Variants in ATF6 observed in about 807,000 individuals in gnomAD.
The protein encoded by ATF6 is cyclic AMP-dependent transcription factor ATF-6 alpha.
In ATF6, 53 loss-of-function variants were observed where a neutral mutation model predicts 83.6. That is an observed-to-expected ratio of 0.63 (90% CI 0.51 to 0.80). ATF6 has a LOEUF of 0.80. ATF6 is among the 30% of genes least tolerant of loss of function. The probability of loss-of-function intolerance (pLI) is 0.00; values close to 1 mark genes in which losing one functional copy is unlikely to be tolerated. For missense variants in ATF6, 744 were observed against 797.9 expected, an observed-to-expected ratio of 0.93 and a Z score of 0.81; for synonymous variants, 288 against 285.8, an observed-to-expected ratio of 1.01 and a Z score of -0.08.
At chr1:161,926,087 A>G (rs1319393017) in intron 15 of ATF6, among the ~76,000 whole-genome samples, 1 of 152,156 alleles carries the variant, frequency 6.6e-6, no homozygotes, top group Non-Finnish European at 1.5e-5. Flanking sequence ...TTGAGCAGGG[A>G]AGAGGCACAA....
chr1:161,848,740 T>C (rs1265247614), intron 10 of ATF6, among the ~76,000 whole-genome samples: 3 of 152,126 alleles, frequency 2.0e-5, no homozygotes, highest in African/African-American at 4.8e-5. Context: ...CCTAGCACTG[T>C]CCTTTACTTT....
intron 7 of ATF6, 49 bp downstream of exon 7, chr1:161,802,321 A>T (rs752047980): frequency 6.6e-7 from 1 of 1,515,102 alleles, no homozygotes; most frequent in East Asian, 2.3e-5. Flanking sequence ...TTAAAAACCA[A>T]CAAAAAAACA....
At position 161,802,067 on chromosome 1, in the gene ATF6, T is replaced by A; in HGVS notation, c.704T>A (p.Leu235Gln). 6.2e-7 allele frequency: 1 copy of A among 1,614,108 alleles called. No homozygotes were observed. The highest frequency in any genetic ancestry group is 8.5e-7 in the Non-Finnish European group (1 of 1,179,984). Residue 235 changes from leucine (L) to glutamine (Q), a missense_variant, in exon 7 of 16, where the codon CTG becomes CAG. By Grantham distance (113) the Leu-to-Gln change is moderately radical. Coordinates refer to ENST00000367942, the MANE Select transcript of ATF6 (RefSeq NM_007348.4). ...PAPTKGQTVL[L>Q]SQPTVVQLQA... The stretch of plus-strand genomic sequence containing the variant: ...TCTAACGCAGGCCAGACGGTTTTGC[T>A]GTCTCAGCCTACTGTGGTACAACTT...
chr1:161,808,996 GGT>G (rs1236211720), intron 7 of ATF6, among the ~76,000 whole-genome samples: 2 of 151,994 alleles, frequency 1.3e-5, no homozygotes, highest in East Asian at 1.9e-4. Context: ...TGAATAACTT[GGT>G]ACTTATTTCA....
At chr1:161,923,877 G>A (rs746299962) in intron 15 of ATF6, among the ~76,000 whole-genome samples, 1 of 152,072 alleles carries the variant, frequency 6.6e-6, no homozygotes, top group Non-Finnish European at 1.5e-5. Flanking sequence ...TCTGCCTTAT[G>A]GCAAAAATCT....
intron 14 of ATF6, among the ~76,000 whole-genome samples, chr1:161,877,192 G>A (rs753192564): frequency 1.3e-5 from 2 of 152,032 alleles, no homozygotes; most frequent in Non-Finnish European, 2.9e-5. Flanking sequence ...CAGGAAGTAT[G>A]TACTGAGTAT....
intron 14 of ATF6, among the ~76,000 whole-genome samples, chr1:161,888,766 A>C (rs746983546): frequency 6.6e-6 from 1 of 152,032 alleles, no homozygotes; most frequent in Non-Finnish European, 1.5e-5. Flanking sequence ...TCCATCCTTC[A>C]TATCATCCAT....
At position 161,942,586 on chromosome 1, in the gene ATF6, C is replaced by G. The variant is rs1245901260; in HGVS notation, c.1805-15860C>G. 2.0e-5 allele frequency among the ~76,000 whole-genome samples: 3 copies of G among 152,224 alleles called. No individual in the cohort carries two copies. In the East Asian group the frequency reaches 5.8e-4, roughly 29 times the overall value. On this transcript the variant is annotated intron_variant, in intron 15 of 15. Transcript: ENST00000367942. ...CTGACTCCACACAATAACAATTACTCCCATTTCATATCACTTGACATCCTG... is the reference window on the plus strand; with the variant it reads ...CTGACTCCACACAATAACAATTACTGCCATTTCATATCACTTGACATCCTG...
At chr1:161,846,867 T>C (rs1485367134) in intron 10 of ATF6, among the ~76,000 whole-genome samples, 1 of 151,844 alleles carries the variant, frequency 6.6e-6, no homozygotes, top group African/African-American at 2.4e-5. Flanking sequence ...ATAATGTCTT[T>C]AATAATTATT....
intron 14 of ATF6, among the ~76,000 whole-genome samples, chr1:161,864,659 G>A (rs1322818370): frequency 6.6e-6 from 1 of 152,146 alleles, no homozygotes; most frequent in Non-Finnish European, 1.5e-5. Context: ...TTTAGCCATA[G>A]CGTCTCATGA....
intron 15 of ATF6, among the ~76,000 whole-genome samples, chr1:161,953,869 C>G (rs1217207325): frequency 2.6e-5 from 4 of 152,124 alleles, no homozygotes; most frequent in Non-Finnish European, 5.9e-5. Flanking sequence ...TTAAGGGAGC[C>G]AAACTTCATT....
intron 14 of ATF6, among the ~76,000 whole-genome samples, chr1:161,867,410 C>A (rs914437467): frequency 2.0e-5 from 3 of 151,682 alleles, no homozygotes; most frequent in Admixed American, 2.0e-4. Context: ...CAGGAAAGCT[C>A]AAATAAAGTT....
chr1:161,807,699 C>T (rs774028260), intron 7 of ATF6, among the ~76,000 whole-genome samples: 3 of 151,990 alleles, frequency 2.0e-5, no homozygotes, highest in Non-Finnish European at 4.4e-5. Flanking sequence ...TCTTGAATAG[C>T]AGTTCAGTTT....
At chr1:161,885,429 A>G (rs553206936) in intron 14 of ATF6, among the ~76,000 whole-genome samples, 164 of 152,252 alleles carry the variant, frequency 1.1e-3, no homozygotes, top group Non-Finnish European at 2.0e-3. Context: ...ACTAAGTAAT[A>G]CTGTAACTAG....
intron 9 of ATF6, among the ~76,000 whole-genome samples, chr1:161,842,255 C>T (rs1686374816): frequency 6.6e-6 from 1 of 152,120 alleles, no homozygotes; most frequent in Admixed American, 6.6e-5. Context: ...GGTTCTCAAA[C>T]ATTGGTAAAG....
chr1:161,859,956 G>C (rs1457359198), intron 12 of ATF6, among the ~76,000 whole-genome samples: 1 of 152,058 alleles, frequency 6.6e-6, no homozygotes, highest in Non-Finnish European at 1.5e-5. Context: ...GCTTGGACTA[G>C]CTTTTGGGCT....
At chr1:161,906,928 C>T (rs1687887015) in intron 14 of ATF6, among the ~76,000 whole-genome samples, 4 of 152,092 alleles carry the variant, frequency 2.6e-5, no homozygotes, top group Admixed American at 6.5e-5. Flanking sequence ...AGCCCTGTAT[C>T]GTAGACATTT....
chr1:161,845,413 C>T (rs1012363742), intron 9 of ATF6, among the ~76,000 whole-genome samples: 2 of 151,932 alleles, frequency 1.3e-5, no homozygotes, highest in Admixed American at 6.6e-5. Flanking sequence ...AAACAAAGTG[C>T]GAACACACAC....
intron 15 of ATF6, among the ~76,000 whole-genome samples, chr1:161,944,629 G>T (rs1444239279): frequency 6.6e-6 from 1 of 152,118 alleles, no homozygotes; most frequent in Non-Finnish European, 1.5e-5. Flanking sequence ...GTGTTGTATT[G>T]CAGGATCAGC....
Sources: gnomAD v4.1 joint callset for allele counts (sites outside exome capture counted in the v4.1 genomes callset) on GRCh38, gnomAD v4.1.1 for gene constraint, MANE v1.5 for transcripts, NCBI Gene and HGNC (gene_info 2026-07-23, HGNC 2026-07-21) for gene names.